Variants in POFUT3 observed in about 807,000 individuals in gnomAD.
The protein encoded by POFUT3 is protein O-fucosyltransferase 3.
the POFUT3 span, chr8:33,372,083 C>A: frequency 7.7e-6 from 7 of 905,722 alleles, no homozygotes; most frequent in Non-Finnish European, 9.2e-6. Context: ...AGTGGATAAA[C>A]TTGAAACAGC....
At chr8:33,467,272 C>CA in the POFUT3 span, among the ~76,000 whole-genome samples, 2,800 of 73,260 alleles carry the variant, frequency 0.038, 382 homozygotes, top group East Asian at 0.078. Flanking sequence ...GACTCTGTCT[C>CA]AAAAAAAAAA....
chr8:33,401,869 A>T, the POFUT3 span, among the ~76,000 whole-genome samples: 1 of 152,146 alleles, frequency 6.6e-6, no homozygotes, highest in African/African-American at 2.4e-5. Context: ...CTCTACTAAA[A>T]ATACAAAAAT....
At chr8:33,438,554 C>A in the POFUT3 span, among the ~76,000 whole-genome samples, 2 of 152,194 alleles carry the variant, frequency 1.3e-5, no homozygotes, top group African/African-American at 2.4e-5. Flanking sequence ...CCATTGCACT[C>A]CAGACTGGAT....
chr8:33,384,719 G>A, the POFUT3 span, among the ~76,000 whole-genome samples: 4 of 152,130 alleles, frequency 2.6e-5, no homozygotes, highest in African/African-American at 9.7e-5. Flanking sequence ...TACTCAGGAG[G>A]CTAAGGTAGG....
At chr8:33,399,694 G>A in the POFUT3 span, among the ~76,000 whole-genome samples, 481 of 150,836 alleles carry the variant, frequency 3.2e-3, 6 homozygotes, top group African/African-American at 0.011. Flanking sequence ...TCACTGTATT[G>A]CCCAGGCTGG....
At chr8:33,356,922 AT>A in the POFUT3 span, among the ~76,000 whole-genome samples, 1 of 152,162 alleles carries the variant, frequency 6.6e-6, no homozygotes. Context: ...CATTTATTAA[AT>A]AGGGAATCCT....
chr8:33,400,029 T>G, the POFUT3 span, among the ~76,000 whole-genome samples: 1 of 150,766 alleles, frequency 6.6e-6, no homozygotes, highest in Non-Finnish European at 1.5e-5. Context: ...AAAATAAAAG[T>G]AAAGTGAACA....
chr8:33,327,175 G>A, the POFUT3 span, among the ~76,000 whole-genome samples: 2 of 152,112 alleles, frequency 1.3e-5, no homozygotes, highest in African/African-American at 4.8e-5. Flanking sequence ...GTAAGCCCTG[G>A]GCAAATGATG....
chr8:33,451,522 GTATATGCATATGCATA>G, the POFUT3 span, among the ~76,000 whole-genome samples: 1 of 151,840 alleles, frequency 6.6e-6, no homozygotes, highest in South Asian at 2.1e-4. Context: ...GTGTACATAT[GTATATGCATATGCATA>G]TGTATGCATA....
the POFUT3 span, among the ~76,000 whole-genome samples, chr8:33,460,950 C>T: frequency 0.017 from 2,644 of 152,108 alleles, 46 homozygotes; most frequent in African/African-American, 0.045. Context: ...ATCTGGAGTT[C>T]GAGACCAGCA....
the POFUT3 span, among the ~76,000 whole-genome samples, chr8:33,381,828 T>C: frequency 3.3e-5 from 5 of 152,316 alleles, no homozygotes; most frequent in African/African-American, 7.2e-5. Context: ...TCTCTCATTT[T>C]AGAGAATTTT....
At chr8:33,309,159 AAAAAAAAAATATAT>A in the POFUT3 span, among the ~76,000 whole-genome samples, 26 of 53,872 alleles carry the variant, frequency 4.8e-4, no homozygotes, top group Non-Finnish European at 6.7e-4. Context: ...AAAAAAAAAA[AAAAAAAAAATATAT>A]ATATATATAT....
the POFUT3 span, among the ~76,000 whole-genome samples, chr8:33,469,224 T>A: frequency 6.6e-6 from 1 of 152,128 alleles, no homozygotes. Flanking sequence ...GAGAATGGCA[T>A]GAACCCGGGA....
chr8:33,405,308 A>G, the POFUT3 span, among the ~76,000 whole-genome samples: 1 of 152,132 alleles, frequency 6.6e-6, no homozygotes, highest in South Asian at 2.1e-4. Flanking sequence ...AAAAAGGAAA[A>G]ATAGGTGAAG....
At chr8:33,423,746 C>A in the POFUT3 span, among the ~76,000 whole-genome samples, 1 of 132,604 alleles carries the variant, frequency 7.5e-6, no homozygotes, top group Non-Finnish European at 1.5e-5. Context: ...ATAACAGTTT[C>A]TAGTATAGAT....
At chr8:33,362,987 C>T in the POFUT3 span, among the ~76,000 whole-genome samples, 2 of 152,312 alleles carry the variant, frequency 1.3e-5, no homozygotes, top group African/African-American at 4.8e-5. Flanking sequence ...AGCACCACAT[C>T]ATGCTTATTC....
chr8:33,384,220 T>C, the POFUT3 span, among the ~76,000 whole-genome samples: 4 of 152,136 alleles, frequency 2.6e-5, no homozygotes, highest in South Asian at 2.1e-4. Context: ...CAGGACATTG[T>C]AGGAATGATG....
chr8:33,392,344 G>A, the POFUT3 span, among the ~76,000 whole-genome samples: 4 of 152,226 alleles, frequency 2.6e-5, no homozygotes, highest in African/African-American at 9.6e-5. Flanking sequence ...GGGAGGCCGA[G>A]GCAGGCAGAT....
chr8:33,451,508 ATG>A, the POFUT3 span, among the ~76,000 whole-genome samples: 6 of 152,084 alleles, frequency 3.9e-5, no homozygotes, highest in African/African-American at 9.6e-5. Flanking sequence ...GTAGATGTAT[ATG>A]TGTGTACATA....
Sources: gnomAD v4.1 joint callset for allele counts (sites outside exome capture counted in the v4.1 genomes callset) on GRCh38, gnomAD v4.1.1 for gene constraint, MANE v1.5 for transcripts, NCBI Gene and HGNC (gene_info 2026-07-23, HGNC 2026-07-21) for gene names.